The following TFRC variants were observed in gnomAD, a reference collection of about 807,000 sequenced individuals.
The protein encoded by TFRC is transferrin receptor.
Under a neutral mutation model 85.8 loss-of-function variants are expected in TFRC, and 35 were observed. That is an observed-to-expected ratio of 0.41 (90% CI 0.31 to 0.54). The LOEUF is 0.54. TFRC is among the 20% of genes least tolerant of loss of function. The pLI is 0.31. For missense variants in TFRC, 828 were observed against 921.5 expected, an observed-to-expected ratio of 0.90 and a Z score of 1.31; for synonymous variants, 362 against 328.6, an observed-to-expected ratio of 1.10 and a Z score of -1.10.
At chr3:196,071,163 T>C (rs2108652608) in intron 6 of TFRC, among the ~76,000 whole-genome samples, 1 of 152,282 alleles carries the variant, frequency 6.6e-6, no homozygotes, top group East Asian at 1.9e-4. Flanking sequence ...AACAAAGGCA[T>C]AGATAATGTC....
intron 13 of TFRC, chr3:196,060,478 T>G (rs576165110): frequency 2.1e-6 from 1 of 483,334 alleles, no homozygotes; most frequent in South Asian, 2.5e-5. Flanking sequence ...TTGCATACTT[T>G]AATCCAAGTC....
At chr3:196,054,450 G>C (rs145362185) in intron 17 of TFRC, among the ~76,000 whole-genome samples, 182 of 152,134 alleles carry the variant, frequency 1.2e-3, no homozygotes, top group South Asian at 7.7e-3. Flanking sequence ...GATATAAAAA[G>C]ATTCGGTTGT....
In TFRC at chr3:196,061,900, C is replaced by T. The variant is rs371351890; in HGVS notation, c.1468+682G>A. On this transcript the variant is annotated intron_variant, in intron 13 of 18. Transcript: ENST00000360110. Reference sequence around the variant, plus strand: ...TAATGCTACTCATCTGGGGGCCACACTGAGAACTACCCACTGTTCTAGACA... The same window carrying T: ...TAATGCTACTCATCTGGGGGCCACATTGAGAACTACCCACTGTTCTAGACA... 8.5e-5 allele frequency among the ~76,000 whole-genome samples: 13 copies of T among 152,332 alleles called. 1 individual carries two copies. The East Asian group carries it at 1.5e-3, about 18-fold the overall frequency.
chr3:196,070,761 C>T (rs1023021992), intron 6 of TFRC, among the ~76,000 whole-genome samples: 6 of 110,396 alleles, frequency 5.4e-5, no homozygotes, highest in Non-Finnish European at 8.8e-5. Context: ...CATGGCAAAA[C>T]CCTGTCTCTA....
At chr3:196,069,609 G>C (rs369327641) in intron 6 of TFRC, 41 bp from the exon 7 acceptor site, 4 of 1,240,032 alleles carry the variant, frequency 3.2e-6, no homozygotes, top group Non-Finnish European at 3.5e-6. Context: ...TTATGGTATC[G>C]GAACAGCTCT....
intron 3 of TFRC, 94 bp from the exon 4 acceptor site, chr3:196,074,219 C>G (rs1718465712): frequency 2.5e-6 from 3 of 1,209,446 alleles, no homozygotes; most frequent in Non-Finnish European, 3.5e-6. Context: ...CTTGAAAATA[C>G]TGGTTTTCAT....
At chr3:196,080,503 T>A (rs889408375) in intron 1 of TFRC, among the ~76,000 whole-genome samples, 36 of 152,366 alleles carry the variant, frequency 2.4e-4, no homozygotes, top group Admixed American at 1.5e-3. Context: ...CCTCCCAAAG[T>A]GCTGGGATTA....
intron 5 of TFRC, 23 bp from the exon 6 acceptor site, chr3:196,071,521 A>AT (rs775416819): frequency 6.2e-7 from 1 of 1,609,252 alleles, no homozygotes; most frequent in Non-Finnish European, 8.5e-7. Context: ...TTAAGTTAAA[A>AT]TAAGCCTAAG....
chr3:196,052,456 T>C (rs954345175), intron 18 of TFRC, among the ~76,000 whole-genome samples: 9 of 152,028 alleles, frequency 5.9e-5, no homozygotes, highest in Middle Eastern at 3.2e-3. Context: ...TTTGTTGTTG[T>C]TGAGACAGAG....
intron 6 of TFRC, 111 bp from the exon 7 acceptor site, chr3:196,069,679 G>A: frequency 1.7e-6 from 1 of 600,576 alleles, no homozygotes; most frequent in Non-Finnish European, 2.8e-6. Flanking sequence ...CCAAGTAAGA[G>A]ATAAAAGGAG....
chr3:196,077,221 A>G (rs9883593), intron 1 of TFRC, 99 bp from the exon 2 acceptor site: 7,778 of 775,302 alleles, frequency 0.01, 105 homozygotes, highest in African/African-American at 0.051. Context: ...TTTTTAAAAT[A>G]CATTATCACT....
At position 196,051,366 on chromosome 3, in the gene TFRC, C is replaced by T; in HGVS notation, c.*576G>A. The T allele has an allele frequency of 4.6e-6, 1 of 219,018 alleles. No individual in the cohort carries two copies. The highest frequency in any genetic ancestry group is 9.2e-6 in the Non-Finnish European group (1 of 109,020). The allele number at this position is 219,018 out of a possible 1,614,324, so 13.6% of individuals were successfully genotyped here. A position where few individuals can be genotyped will look rare whatever the true frequency, so the allele number is the denominator to read the frequency against. On this transcript the variant is annotated 3_prime_UTR_variant, in exon 19 of 19. Coordinates refer to ENST00000360110, the MANE Select transcript of TFRC (RefSeq NM_001128148.3). ...TTATTCCTGCAATCAACAGTTGAACCTCATTTTATCCAGCAGAAGGACCTC... is the reference window on the plus strand; with the variant it reads ...TTATTCCTGCAATCAACAGTTGAACTTCATTTTATCCAGCAGAAGGACCTC...
At position 196,049,468 on chromosome 3, in the gene TFRC, A is replaced by T. The variant is rs1560060261; in HGVS notation, c.*2474T>A. Reference sequence around the variant, plus strand: ...AGAATAGTGAATCATGACAGAACTCATTCATTTTATCCTTTACCTCCAAAA... The same window carrying T: ...AGAATAGTGAATCATGACAGAACTCTTTCATTTTATCCTTTACCTCCAAAA... On this transcript the variant is annotated 3_prime_UTR_variant, in exon 19 of 19. Transcript: ENST00000360110. 5 of 217,254 alleles carry T rather than the reference A, an allele frequency of 2.3e-5. No homozygotes were observed. In the East Asian group the frequency reaches 2.7e-4, roughly 12 times the overall value. The allele number at this position is 217,254 out of a possible 1,614,324, so 13.5% of individuals were successfully genotyped here. A position where few individuals can be genotyped will look rare whatever the true frequency, so the allele number is the denominator to read the frequency against.
At chr3:196,068,933 A>C (rs188970804) in intron 7 of TFRC, among the ~76,000 whole-genome samples, 119 of 151,400 alleles carry the variant, frequency 7.9e-4, no homozygotes, top group African/African-American at 2.6e-3. Flanking sequence ...GTCTCAAAAA[A>C]AAAAAAAAAA....
chr3:196,073,859 A>G, intron 4 of TFRC, 71 bp downstream of exon 4: 2 of 1,472,008 alleles, frequency 1.4e-6, no homozygotes, highest in Non-Finnish European at 1.8e-6. Flanking sequence ...TGTCACCATT[A>G]TTGTTTCCCC....
chr3:196,058,534 G>C (rs752106484), intron 15 of TFRC, 40 bp downstream of exon 15: 9 of 1,583,666 alleles, frequency 5.7e-6, no homozygotes, highest in Admixed American at 1.8e-5. Context: ...TAGAATCTCT[G>C]CTTTTCTATT....
intron 14 of TFRC, 152 bp from the exon 15 acceptor site, chr3:196,058,784 C>A: frequency 2.2e-6 from 1 of 458,834 alleles, no homozygotes; most frequent in Non-Finnish European, 3.8e-6. Flanking sequence ...AAAACAATCT[C>A]AACTTTAAGT....
At chr3:196,059,975 CTAAA>C (rs1461842528) in intron 14 of TFRC, among the ~76,000 whole-genome samples, 2 of 152,110 alleles carry the variant, frequency 1.3e-5, no homozygotes, top group Non-Finnish European at 2.9e-5. Context: ...TTATATATTC[CTAAA>C]TAAACAACAT....
At chr3:196,080,481 C>T (rs1049475112) in intron 1 of TFRC, among the ~76,000 whole-genome samples, 2 of 152,210 alleles carry the variant, frequency 1.3e-5, no homozygotes, top group African/African-American at 2.4e-5. Flanking sequence ...TTAGGTGATC[C>T]GCCTGCCTTG....
Sources: gnomAD v4.1 joint callset for allele counts (sites outside exome capture counted in the v4.1 genomes callset) on GRCh38, gnomAD v4.1.1 for gene constraint, MANE v1.5 for transcripts, NCBI Gene and HGNC (gene_info 2026-07-23, HGNC 2026-07-21) for gene names.